PCDHGA2: variants seen among roughly 807,000 people sequenced by gnomAD.
PCDHGA2 encodes protocadherin gamma subfamily A, 2, also known as protocadherin gamma-A2.
PCDHGA2 carries 40 observed loss-of-function variants against 59.2 expected under a neutral mutation model. That is an observed-to-expected ratio of 0.68 (90% CI 0.52 to 0.88). The LOEUF (loss-of-function observed/expected upper bound fraction) is 0.88, where lower values mean the gene tolerates loss of function less well. PCDHGA2 is among the 40% of genes least tolerant of loss of function. The pLI is 0.00. For synonymous variants in PCDHGA2, 560 were observed against 526.0 expected (o/e 1.06, Z -0.89); for missense variants, 1,226 against 1,204.0 (o/e 1.02, Z -0.27).
chr5:141,346,458 G>A, intron 1 of PCDHGA2: 4 of 1,614,152 alleles, frequency 2.5e-6, no homozygotes, highest in Middle Eastern at 1.6e-4. Context: ...CCTACTTCAG[G>A]TGAGTTTATT....
chr5:141,343,829 A>G lies in PCDHGA2; in HGVS notation c.2424+2434A>G, dbSNP rs1757330629. 6.0e-6 allele frequency: 3 copies of G among 496,532 alleles called. No homozygotes were observed. The South Asian group carries it at 1.2e-4, about 21-fold the overall frequency. 30.8% of individuals were successfully genotyped at this position (496,532 alleles called of 1,614,324 possible). The stretch of plus-strand genomic sequence containing the variant: ...GAGAACGCAGCTGGAGAACTAGTCC[A>G]CCATTTCCTTGCTCCTAAAATGCAA... On this transcript the variant is annotated intron_variant, in intron 1 of 3. Transcript: ENST00000394576.
At chr5:141,419,204 GC>G (rs2096344015) in intron 1 of PCDHGA2, 9 of 1,613,916 alleles carry the variant, frequency 5.6e-6, no homozygotes, top group Non-Finnish European at 7.6e-6. Context: ...CAATGACAAC[GC>G]GCCGGTTTTC....
intron 1 of PCDHGA2, chr5:141,394,386 A>T (rs765454423): frequency 1.2e-6 from 2 of 1,614,210 alleles, no homozygotes; most frequent in South Asian, 1.1e-5. Context: ...CTATGAGCAG[A>T]TCCGAGACCT....
At position 141,413,701 on chromosome 5, in the gene PCDHGA2, C is replaced by T. The variant is rs764950275; in HGVS notation, c.2424+72306C>T. 1.1e-4 allele frequency: 177 copies of T among 1,613,654 alleles called. No individual in the cohort carries two copies. The Admixed American group carries it at 2.9e-3, about 27-fold the overall frequency. On this transcript the variant is annotated intron_variant, in intron 1 of 3. Coordinates refer to ENST00000394576, the MANE Select transcript of PCDHGA2 (RefSeq NM_018915.4). ...CGTGAACTCCCTGCAGAGCTATCAG[C>T]TCAGCCCCAATAAGCACTTCTCCCT...
chr5:141,389,449 A>T lies in PCDHGA2; in HGVS notation c.2424+48054A>T, dbSNP rs771507101. The stretch of plus-strand genomic sequence containing the variant: ...GCGCAGCGCGCCTTCGACCACGAGC[A>T]GCTGCGCGCCTTCGAACTCACACTG... On this transcript the variant is annotated intron_variant, in intron 1 of 3. Coordinates refer to ENST00000394576, the MANE Select transcript of PCDHGA2 (RefSeq NM_018915.4). 17 of 1,610,420 alleles carry T rather than the reference A, an allele frequency of 1.1e-5. No individual in the cohort carries two copies. In the African/African-American group the frequency reaches 2.3e-4, roughly 22 times the overall value.
chr5:141,417,185 A>C (rs2096092787), intron 1 of PCDHGA2: 1 of 152,216 alleles, frequency 6.6e-6, no homozygotes, highest in Admixed American at 6.5e-5. Context: ...AGGAATTATT[A>C]CTTTCTGGGT....
At chr5:141,384,224 T>C (rs753746250) in intron 1 of PCDHGA2, 1 of 1,613,882 alleles carries the variant, frequency 6.2e-7, no homozygotes, top group Non-Finnish European at 8.5e-7. Flanking sequence ...TTCATGCAGG[T>C]GGCAGACACC....
chr5:141,405,165 C>T (rs745998723), intron 1 of PCDHGA2: 1 of 1,614,096 alleles, frequency 6.2e-7, no homozygotes, highest in Admixed American at 1.7e-5. Flanking sequence ...GTGCCCACCT[C>T]ACACTTTGTG....
At position 141,428,173 on chromosome 5, in the gene PCDHGA2, C is replaced by T. The variant is rs192741775; in HGVS notation, c.2425-66634C>T. The T allele has an allele frequency of 3.3e-6, 5 of 1,514,730 alleles. No homozygotes were observed. In the East Asian group the frequency reaches 9.1e-5, roughly 28 times the overall value. 93.8% of individuals were successfully genotyped at this position (1,514,730 alleles called of 1,614,324 possible). A position where few individuals can be genotyped will look rare whatever the true frequency, so the allele number is the denominator to read the frequency against. On this transcript the variant is annotated intron_variant, in intron 1 of 3. Transcript: ENST00000394576. ...GGAACCTGCTGGTTGCTGTGCGTGA[C>T]GGAGGACAGCCGCCGCTCTCTGCGC... is the stretch of plus-strand genomic sequence containing the variant.
rs1467738404 is a variant in PCDHGA2 at position 141,430,698 on chromosome 5, G to A, written c.2425-64109G>A. On this transcript the variant is annotated intron_variant, in intron 1 of 3. Coordinates refer to ENST00000394576, the MANE Select transcript of PCDHGA2 (RefSeq NM_018915.4). The stretch of plus-strand genomic sequence containing the variant: ...CAACTGTCCCATTCTATGGGCGAAG[G>A]AACTGCTCCTGACTTCAGTGGTTAA... 4.1e-6 allele frequency: 6 copies of A among 1,451,686 alleles called. No homozygotes were observed. The South Asian group carries it at 7.8e-5, about 19-fold the overall frequency. The allele number at this position is 1,451,686 out of a possible 1,614,324, so 89.9% of individuals were successfully genotyped here.
chr5:141,365,825 G>C (rs772088278), intron 1 of PCDHGA2: 1 of 1,613,942 alleles, frequency 6.2e-7, no homozygotes, highest in African/African-American at 1.3e-5. Flanking sequence ...ATTTCAGGGG[G>C]CGCCCTTGTC....
intron 1 of PCDHGA2, chr5:141,478,686 GA>G (rs2099472024): frequency 6.4e-7 from 1 of 1,551,134 alleles, no homozygotes; most frequent in South Asian, 1.2e-5. Context: ...GCCCTTCCTA[GA>G]TCAAAGTTAG....
At chr5:141,404,892 A>T in intron 1 of PCDHGA2, 1 of 1,613,880 alleles carries the variant, frequency 6.2e-7, no homozygotes, top group African/African-American at 1.3e-5. Context: ...GTGGCTGTAC[A>T]GGACCATGGC....
chr5:141,503,781 G>A (rs1393561411), intron 2 of PCDHGA2, among the ~76,000 whole-genome samples: 1 of 152,110 alleles, frequency 6.6e-6, no homozygotes, highest in East Asian at 1.9e-4. Flanking sequence ...TTCTTAGGCT[G>A]AGTTCATCTA....
At chr5:141,465,338 G>C (rs908157154) in intron 1 of PCDHGA2, among the ~76,000 whole-genome samples, 6 of 151,962 alleles carry the variant, frequency 3.9e-5, no homozygotes, top group Admixed American at 2.6e-4. Context: ...TTTTATATTG[G>C]TTACTGAAGA....
rs1310725827 is a variant in PCDHGA2, at chr5:141,500,934, T to C, written c.2484-4459T>C. The stretch of plus-strand genomic sequence containing the variant: ...TCCAGGCTGGGGTGCAGTGGCGCCA[T>C]CTCGGCTCACTGCAAGCTCCACCTC... On this transcript the variant is annotated intron_variant, in intron 2 of 3. Transcript: ENST00000394576. 5.9e-5 allele frequency among the ~76,000 whole-genome samples: 9 copies of C among 151,906 alleles called. 1 individual carries two copies. Among genetic ancestry groups the C allele is most frequent in the Non-Finnish European group, 1.3e-4 (9 of 68,020 alleles).
chr5:141,343,484 G>A (rs1757288603), intron 1 of PCDHGA2: 1 of 581,052 alleles, frequency 1.7e-6, no homozygotes. Flanking sequence ...TGGTGGTCAT[G>A]TCTTTTAATA....
intron 2 of PCDHGA2, among the ~76,000 whole-genome samples, chr5:141,500,935 C>A (rs1159997919): frequency 1.3e-5 from 2 of 151,694 alleles, no homozygotes; most frequent in Non-Finnish European, 2.9e-5. Flanking sequence ...GTGGCGCCAT[C>A]TCGGCTCACT....
At chr5:141,349,393 A>G (rs1158301459) in intron 1 of PCDHGA2, among the ~76,000 whole-genome samples, 1 of 152,186 alleles carries the variant, frequency 6.6e-6, no homozygotes, top group African/African-American at 2.4e-5. Context: ...TCATATAAAA[A>G]AGAAGCACTG....
Sources: allele counts gnomAD v4.1 joint callset (sites outside exome capture counted in the v4.1 genomes callset), GRCh38; gene constraint gnomAD v4.1.1; transcripts MANE v1.5; gene names NCBI Gene and HGNC (gene_info 2026-07-23, HGNC 2026-07-21).